KMT2D: variants seen among roughly 807,000 people sequenced by gnomAD.
The protein encoded by KMT2D is lysine methyltransferase 2D.
KMT2D carries 55 observed loss-of-function variants against 512.7 expected under a neutral mutation model. That is an observed-to-expected ratio of 0.11 (90% CI 0.09 to 0.13). The LOEUF (loss-of-function observed/expected upper bound fraction) is 0.13. KMT2D is among the 10% of genes least tolerant of loss of function. The pLI is 1.00. For missense variants in KMT2D, 6,061 were observed against 7,127.9 expected (o/e 0.85, Z 5.39); for synonymous variants, 2,995 against 2,904.0 (o/e 1.03, Z -1.01).
At chr12:49,058,493 G>A (rs1231867202) in intron 1 of KMT2D, among the ~76,000 whole-genome samples, 1 of 152,192 alleles carries the variant, frequency 6.6e-6, no homozygotes, top group Non-Finnish European at 1.5e-5. Flanking sequence ...TCCCTGCTGG[G>A]TAGCATGACA....
intron 40 of KMT2D, 70 bp downstream of exon 40, chr12:49,031,105 G>A (rs2120415783): frequency 6.2e-7 from 1 of 1,610,740 alleles, no homozygotes; most frequent in East Asian, 2.2e-5. Context: ...TCTGACCCAG[G>A]CTCACTCATT....
Position 49,052,039 on chromosome 12 carries a change from T to C in KMT2D, c.1644A>G (p.Pro548=). The C allele has an allele frequency of 2.5e-6, 4 of 1,611,112 alleles. No homozygotes were observed. The highest frequency in any genetic ancestry group is 1.4e-5 in the African/African-American group (1 of 73,810). ...GCGGGGACAAAGGAGATTCTTCAAA[T>C]GGTGGGGACAGGGGCGATGCTTCAG... ...PPPEASPLSP[P]FEESPLSPPP... Residue 548 remains proline, a synonymous_variant, in exon 11 of 55, where the codon CCA becomes CCG. Coordinates refer to ENST00000301067, the MANE Select transcript of KMT2D (RefSeq NM_003482.4).
At position 49,050,111 on chromosome 12, in the gene KMT2D, C is replaced by A. The variant is rs777653712; in HGVS notation, c.3477G>T (p.Glu1159Asp). Residue 1159 changes from glutamate to aspartate, a missense_variant, in exon 12 of 55, where the codon GAG becomes GAT. By Grantham distance (45) the Glu-to-Asp change is conservative. This residue lies in a region of KMT2D where 447 missense variants were observed against 500.1 expected (regional missense o/e 0.89). Coordinates refer to ENST00000301067, the MANE Select transcript of KMT2D (RefSeq NM_003482.4). ...KGSPVLLDPE[E>D]LAPVTPMEVY... ...CCTCCATAGGGGTCACAGGGGCCAGCTCCTCGGGGTCCAGGAGCACAGGGG... is the reference window on the plus strand; with the variant it reads ...CCTCCATAGGGGTCACAGGGGCCAGATCCTCGGGGTCCAGGAGCACAGGGG... 6.2e-7 allele frequency: 1 copy of A among 1,613,530 alleles called. No homozygotes were observed.
At position 49,046,888 on chromosome 12, in the gene KMT2D, C is replaced by G; in HGVS notation, c.4237-98G>C. 8.7e-7 allele frequency: 1 copy of G among 1,152,398 alleles called. No homozygotes were observed. Among genetic ancestry groups the G allele is most frequent in the Non-Finnish European group, 1.2e-6 (1 of 821,256 alleles). 71.4% of individuals were successfully genotyped at this position (1,152,398 alleles called of 1,614,324 possible). A position where few individuals can be genotyped will look rare whatever the true frequency, so the allele number is the denominator to read the frequency against. On this transcript the variant is annotated intron_variant, in intron 15 of 54. Coordinates refer to ENST00000301067, the MANE Select transcript of KMT2D (RefSeq NM_003482.4). This position sits in a 1 kb window ranked among gnomAD's most constrained non-coding sequence, Gnocchi z 4.2. ...GAGATGGAGTTTTGCTCTTGTTCCC[C>G]AGGCTGGAGTGCAATGGCGCGATCT...
rs1177312433 is a variant in KMT2D at position 49,042,241 on chromosome 12, G to T, written c.5957C>A (p.Thr1986Asn). 2 of 1,590,394 alleles carry T rather than the reference G, an allele frequency of 1.3e-6. No individual in the cohort carries two copies. Among genetic ancestry groups the T allele is most frequent in the Non-Finnish European group, 1.7e-6 (2 of 1,168,734 alleles). ...GTCGCCCTCACCCTCCGTGGTGGGG[G>T]TTGTGGGGGTGGAGGGCGTGGTGCC... ...SGGTTPSTPT[T>N]PTTEGEGDGL... The change falls in exon 29 of 55, where the codon ACC becomes AAC. Residue 1986 changes from threonine to asparagine, a missense_variant. This residue lies in a region of KMT2D where 640 missense variants were observed against 814.3 expected (regional missense o/e 0.79). Coordinates refer to ENST00000301067, the MANE Select transcript of KMT2D (RefSeq NM_003482.4). The surrounding 1 kb of genome is among the most constrained non-coding windows in gnomAD (Gnocchi z 4.4).
At position 49,044,702 on chromosome 12, in the gene KMT2D, G is replaced by T. The variant is rs1324303119; in HGVS notation, c.4963+42C>A. On this transcript the variant is annotated intron_variant, in intron 20 of 54. Coordinates refer to ENST00000301067, the MANE Select transcript of KMT2D (RefSeq NM_003482.4). This position sits in a 1 kb window ranked among gnomAD's most constrained non-coding sequence, Gnocchi z 6.4. Reference sequence around the variant, plus strand: ...CCCAACATCCCACTCCCAGAGTCACGCTCCCCCTACTCTGCCGCTCCCTAA... The same window carrying T: ...CCCAACATCCCACTCCCAGAGTCACTCTCCCCCTACTCTGCCGCTCCCTAA... The T allele has an allele frequency of 6.3e-7, 1 of 1,585,838 alleles. No homozygotes were observed. The highest frequency in any genetic ancestry group is 8.6e-7 in the Non-Finnish European group (1 of 1,157,192).
At chr12:49,055,409 G>C (rs2120719655) in intron 1 of KMT2D, 48 bp from the exon 2 acceptor site, 1 of 1,308,334 alleles carries the variant, frequency 7.6e-7, no homozygotes, top group East Asian at 2.3e-5. Context: ...GTCTTCCCAA[G>C]AAGCATTTTT....
In KMT2D at chr12:49,042,011, G is replaced by A; in HGVS notation, c.6110-21C>T. On this transcript the variant is annotated intron_variant, in intron 29 of 54. Transcript: ENST00000301067. The surrounding 1 kb of genome is among the most constrained non-coding windows in gnomAD (Gnocchi z 4.4). The stretch of plus-strand genomic sequence containing the variant: ...CCAGTCTGGAGGGCAGAGAGAGTGA[G>A]TCAGAGAAGACTTGGCAGGCGACTC... The A allele has an allele frequency of 6.2e-7, 1 of 1,612,318 alleles. No homozygotes were observed. The highest frequency in any genetic ancestry group is 2.2e-5 in the East Asian group (1 of 44,822).
intron 49 of KMT2D, among the ~76,000 whole-genome samples, chr12:49,025,700 T>C (rs1942543422): frequency 6.6e-6 from 1 of 152,226 alleles, no homozygotes; most frequent in African/African-American, 2.4e-5. Flanking sequence ...ACTTACCTCA[T>C]AGGGTTGTAT....
At position 49,051,152 on chromosome 12, in the gene KMT2D, G is replaced by A. The variant is rs1338543181; in HGVS notation, c.2531C>T (p.Pro844Leu). 5.9e-6 allele frequency: 9 copies of A among 1,519,400 alleles called. No homozygotes were observed. The Admixed American group carries it at 1.8e-4, about 30-fold the overall frequency. The allele number at this position is 1,519,400 out of a possible 1,614,324, so 94.1% of individuals were successfully genotyped here. ...GGACAGATGCGATTCCTCAGGCCGG[G>A]GGGACAGGCATGGCTCCTCAGACTG... ...SPQSEEPCLS[P>L]RPEESHLSPE... Residue 844 changes from proline to leucine, a missense_variant, in exon 11 of 55, where the codon CCC (proline) becomes CTC (leucine). Transcript: ENST00000301067.
In KMT2D at chr12:49,027,786, T is replaced by A; in HGVS notation, c.14643+17A>T. On this transcript the variant is annotated intron_variant, in intron 48 of 54. Coordinates refer to ENST00000301067, the MANE Select transcript of KMT2D (RefSeq NM_003482.4). ...CCTTTTTTCTAACACCCACCCCTTT[T>A]TCTCCCCCAGACCTACCTGTTTCAG... 6.4e-7 allele frequency: 1 copy of A among 1,554,180 alleles called. No homozygotes were observed.
In KMT2D at chr12:49,033,473, C is replaced by A. The variant is rs770391660; in HGVS notation, c.11232G>T (p.Gln3744His). The change falls in exon 40 of 55, where the codon CAG becomes CAT. Residue 3744 changes from glutamine to histidine, a missense_variant. This residue lies in a region of KMT2D where 1,600 missense variants were observed against 1,754.9 expected (regional missense o/e 0.91). Transcript: ENST00000301067. ...TTGCCACCTGTCCTAGAAGGTGCTG[C>A]TGCTGCTGTTGCTGCTGCTGCTGCT... The part of the protein sequence containing the change: ...LQQQQQQQQQ[Q>H]QHLLGQVAIQ... 1 of 1,610,758 alleles carries A rather than the reference C, an allele frequency of 6.2e-7. No individual in the cohort carries two copies. The highest frequency in any genetic ancestry group is 8.5e-7 in the Non-Finnish European group (1 of 1,178,514).
chr12:49,033,064 T>C lies in KMT2D; in HGVS notation c.11641A>G (p.Met3881Val), dbSNP rs797045657. The part of the protein sequence containing the change: ...AGLSHLQQSL[M>V]SHSGQPKLSA... ...AGTTTGGGCTGCCCACTGTGTGACA[T>C]CAGACTCTGCTGAAGATGGGACAGC... The change falls in exon 40 of 55, where the codon ATG becomes GTG. Residue 3881 changes from methionine (M) to valine (V), a missense_variant. Physicochemically the swap from Met to Val is conservative, Grantham distance 21. Coordinates refer to ENST00000301067, the MANE Select transcript of KMT2D (RefSeq NM_003482.4). 2.1e-5 allele frequency: 32 copies of C among 1,551,146 alleles called. No individual in the cohort carries two copies. The highest frequency in any genetic ancestry group is 1.7e-4 in the Middle Eastern group (1 of 6,010).
chr12:49,048,582 T>C, intron 14 of KMT2D, 77 bp downstream of exon 14: 1 of 932,800 alleles, frequency 1.1e-6, no homozygotes, highest in Non-Finnish European at 1.7e-6. Context: ...CCAAAGTAGG[T>C]CCAGTTTTCC....
intron 7 of KMT2D, 41 bp downstream of exon 7, chr12:49,053,435 G>A (rs1938206064): frequency 1.2e-6 from 2 of 1,610,686 alleles, no homozygotes; most frequent in African/African-American, 1.3e-5. Context: ...ACCCTAACCT[G>A]TGTTGTGCCT....
rs1938458516 is a variant in KMT2D at position 49,057,161 on chromosome 12, C to A, written c.-37-1800G>T. Among the ~76,000 whole-genome samples, 3 of 152,124 alleles carry A rather than the reference C, an allele frequency of 2.0e-5. No homozygotes were observed. In the South Asian group the frequency reaches 6.2e-4, roughly 31 times the overall value. Reference sequence around the variant, plus strand: ...AAGTGGGAGGTGGAGATGAGGGCAGCAGCCAGGCCCCTCTTCCATTCAGTC... The same window carrying A: ...AAGTGGGAGGTGGAGATGAGGGCAGAAGCCAGGCCCCTCTTCCATTCAGTC... On this transcript the variant is annotated intron_variant, in intron 1 of 54. Transcript: ENST00000301067.
rs1414046858 is a variant in KMT2D at position 49,050,372 on chromosome 12, C to T, written c.3216G>A (p.Glu1072=). Residue 1072 remains glutamate (E), a synonymous_variant, in exon 12 of 55, where the codon GAG becomes GAA. Transcript: ENST00000301067. ...VGVSDEAELH[E]METEKVSEPE... ...GTTCTGAAACTTTCTCAGTCTCCAT[C>T]TCGTGCAGCTCAGCCTCATCTGAGA... 4 of 1,612,508 alleles carry T rather than the reference C, an allele frequency of 2.5e-6. No homozygotes were observed. The highest frequency in any genetic ancestry group is 3.4e-6 in the Non-Finnish European group (4 of 1,179,248).
At chr12:49,036,208 G>A (rs544315397) in intron 35 of KMT2D, among the ~76,000 whole-genome samples, 1 of 151,952 alleles carries the variant, frequency 6.6e-6, no homozygotes, top group South Asian at 2.1e-4. Flanking sequence ...TACTTCACTC[G>A]AAACAGTTTA....
Position 49,024,660 on chromosome 12 carries a change from G to A in KMT2D, c.15970C>T (p.His5324Tyr), listed in dbSNP as rs2137710657. 2 of 1,613,918 alleles carry A rather than the reference G, an allele frequency of 1.2e-6. No individual in the cohort carries two copies. The highest frequency in any genetic ancestry group is 1.7e-6 in the Non-Finnish European group (2 of 1,179,870). ...CQNYLFRYGR[H>Y]PLMELPLMIN... Reference sequence around the variant, plus strand: ...ATGAGTGGCAGCTCCATAAGGGGGTGGCGCCCATAGCGGAATAAATAGTTT... The same window carrying A: ...ATGAGTGGCAGCTCCATAAGGGGGTAGCGCCCATAGCGGAATAAATAGTTT... The change falls in exon 51 of 55, where the codon CAC (histidine) becomes TAC (tyrosine). Residue 5324 changes from histidine to tyrosine, a missense_variant. By Grantham distance (83) the His-to-Tyr change is moderately conservative. Around this residue, in one of 16 missense-constraint regions of KMT2D, gnomAD observed 261 missense variants for 440.7 expected, o/e 0.59. Transcript: ENST00000301067. The surrounding 1 kb of genome is among the most constrained non-coding windows in gnomAD (Gnocchi z 4.5).
Sources: gnomAD v4.1 joint callset for allele counts (sites outside exome capture counted in the v4.1 genomes callset) on GRCh38, gnomAD v4.1.1 for gene constraint, gnomAD v4.1.1 regional missense constraint, Gnocchi (gnomAD v3.1) non-coding constraint, MANE v1.5 for transcripts, NCBI Gene and HGNC (gene_info 2026-07-23, HGNC 2026-07-21) for gene names.